PRDM2: variants seen among roughly 807,000 people sequenced by gnomAD.
The protein encoded by PRDM2 is PR domain zinc finger protein 2.
PRDM2 carries 30 observed loss-of-function variants against 130.0 expected under a neutral mutation model. The observed-to-expected ratio is 0.23, with a 90% CI of 0.17 to 0.31. The LOEUF (loss-of-function observed/expected upper bound fraction) is 0.31, where lower values mean the gene tolerates loss of function less well. PRDM2 is among the 10% of genes least tolerant of loss of function. The pLI, the probability that PRDM2 is intolerant of heterozygous loss-of-function variation, is 1.00. For synonymous variants in PRDM2, 871 were observed against 782.4 expected (o/e 1.11, Z -1.89); for missense variants, 2,011 against 2,108.4 (o/e 0.95, Z 0.90).
At chr1:13,715,303 A>G (rs963231615) in intron 1 of PRDM2, among the ~76,000 whole-genome samples, 1 of 152,218 alleles carries the variant, frequency 6.6e-6, no homozygotes, top group Non-Finnish European at 1.5e-5. Context: ...ATGTCCTCCT[A>G]ATGAGTCCGC....
chr1:13,784,300 A>G (rs865991855), intron 8 of PRDM2, among the ~76,000 whole-genome samples: 7 of 152,216 alleles, frequency 4.6e-5, no homozygotes, highest in Admixed American at 2.6e-4. Flanking sequence ...TGGTGGTGCC[A>G]CACCAACAGG....
At chr1:13,700,608 G>C (rs1319502915) in intron 1 of PRDM2, among the ~76,000 whole-genome samples, 1 of 151,340 alleles carries the variant, frequency 6.6e-6, no homozygotes, top group Non-Finnish European at 1.5e-5. Flanking sequence ...CGCCCCGCGG[G>C]GGACGCGTGC....
At chr1:13,800,384 C>T (rs1017591091) in intron 8 of PRDM2, among the ~76,000 whole-genome samples, 1 of 152,174 alleles carries the variant, frequency 6.6e-6, no homozygotes, top group Admixed American at 6.5e-5. Context: ...GGGGGCATCC[C>T]GCCTTACAAA....
intron 8 of PRDM2, among the ~76,000 whole-genome samples, chr1:13,810,887 A>G (rs1645162375): frequency 1.3e-5 from 2 of 151,758 alleles, no homozygotes; most frequent in African/African-American, 2.4e-5. Flanking sequence ...AGCTTCTGTC[A>G]GAGTTTACAG....
Position 13,749,424 on chromosome 1 carries a change from G to T in PRDM2, c.448G>T (p.Ala150Ser). The stretch of plus-strand genomic sequence containing the variant: ...TGGGGAAGACAACCCTGAGATAGCA[G>T]CTGCGATTGAGGAAGAGCGAGCCAG... ...YNGEDNPEIAAAIEEERASAR... is the reference protein window; with the variant it reads ...YNGEDNPEIASAIEEERASAR... Residue 150 changes from alanine (A) to serine (S), a missense_variant, in exon 6 of 10, where the codon GCT becomes TCT. This residue lies in a region of PRDM2 where 1,288 missense variants were observed against 1,237.7 expected (regional missense o/e 1.04). Transcript: ENST00000311066. The T allele has an allele frequency of 6.6e-7, 1 of 1,513,000 alleles. No individual in the cohort carries two copies. The allele number at this position is 1,513,000 out of a possible 1,614,324, so 93.7% of individuals were successfully genotyped here.
At chr1:13,796,649 G>A (rs1244557359) in intron 8 of PRDM2, among the ~76,000 whole-genome samples, 1 of 152,190 alleles carries the variant, frequency 6.6e-6, no homozygotes, top group Non-Finnish European at 1.5e-5. Flanking sequence ...CTACTCAGGA[G>A]GCTGAGGTGG....
intron 2 of PRDM2, among the ~76,000 whole-genome samples, chr1:13,722,561 G>T (rs1642765158): frequency 6.6e-6 from 1 of 152,016 alleles, no homozygotes; most frequent in Non-Finnish European, 1.5e-5. Flanking sequence ...GAGATGAAAG[G>T]CTGTAGCCCA....
rs1423045362 is a variant in PRDM2, at chr1:13,780,523, A to G, written c.2728A>G (p.Thr910Ala). 1 of 1,614,148 alleles carries G rather than the reference A, an allele frequency of 6.2e-7. No homozygotes were observed. Among genetic ancestry groups the G allele is most frequent in the Non-Finnish European group, 8.5e-7 (1 of 1,180,020 alleles). Residue 910 changes from threonine to alanine, a missense_variant, in exon 8 of 10, where the codon ACC becomes GCC. Thr to Ala is a moderately conservative substitution (Grantham distance 58). This residue lies in a region of PRDM2 where 1,288 missense variants were observed against 1,237.7 expected (regional missense o/e 1.04). Transcript: ENST00000311066. ...ACCTGTAGAAAACCCTGCAGATGGG[A>G]CCAGGAGCCCAAGTCCTTGTAAATC... ...DLPVENPADG[T>A]RSPSPCKSLE...
chr1:13,732,797 C>G lies in PRDM2; in HGVS notation c.146C>G (p.Pro49Arg). 1.2e-6 allele frequency: 2 copies of G among 1,603,268 alleles called. No homozygotes were observed. Among genetic ancestry groups the G allele is most frequent in the Non-Finnish European group, 8.5e-7 (1 of 1,175,056 alleles). ...TTTCTAGGTGTCTGGGCCACTAAACCAATTTTAAAAGGCAAAAAATTTGGG... is the reference window on the plus strand; with the variant it reads ...TTTCTAGGTGTCTGGGCCACTAAACGAATTTTAAAAGGCAAAAAATTTGGG... ...KTRIGVWATK[P>R]ILKGKKFGPF... The change falls in exon 4 of 10, where the codon CCA (proline) becomes CGA (arginine). Residue 49 changes from proline (P) to arginine (R), a missense_variant. Pro to Arg is a moderately radical substitution (Grantham distance 103). Coordinates refer to ENST00000311066, the MANE Select transcript of PRDM2 (RefSeq NM_001393986.1).
chr1:13,712,553 G>A (rs568456060), intron 1 of PRDM2, among the ~76,000 whole-genome samples: 14 of 152,090 alleles, frequency 9.2e-5, no homozygotes, highest in Admixed American at 4.6e-4. Context: ...TTGGGTGCTC[G>A]AGACCATCAT....
intron 1 of PRDM2, among the ~76,000 whole-genome samples, chr1:13,700,704 C>T (rs1335826453): frequency 1.3e-5 from 2 of 152,090 alleles, no homozygotes; most frequent in South Asian, 2.1e-4. Context: ...ATTGTCAAGC[C>T]GCTGTGCTTT....
At chr1:13,713,697 A>G (rs1476879525) in intron 1 of PRDM2, among the ~76,000 whole-genome samples, 1 of 152,076 alleles carries the variant, frequency 6.6e-6, no homozygotes, top group Admixed American at 6.5e-5. Flanking sequence ...CTACCTATAA[A>G]AGCTTTGTCA....
intron 8 of PRDM2, among the ~76,000 whole-genome samples, chr1:13,802,036 C>T (rs138626918): frequency 4.7e-4 from 71 of 152,294 alleles, no homozygotes; most frequent in Non-Finnish European, 2.9e-4. Flanking sequence ...TGAGCTGTCC[C>T]GTCCTGGCCA....
chr1:13,772,226 A>C (rs1340149117), intron 6 of PRDM2: 1 of 152,224 alleles, frequency 6.6e-6, no homozygotes. Flanking sequence ...TAATTAAAAA[A>C]TGTAAAAGAA....
intron 1 of PRDM2, among the ~76,000 whole-genome samples, chr1:13,704,370 T>C (rs919560318): frequency 6.6e-5 from 10 of 151,980 alleles, no homozygotes; most frequent in Middle Eastern, 3.2e-3. Context: ...TTCTTAGTAC[T>C]GTATAGTATT....
At chr1:13,757,217 A>T (rs115231513) in intron 6 of PRDM2, among the ~76,000 whole-genome samples, 2,226 of 152,324 alleles carry the variant, frequency 0.015, 24 homozygotes, top group South Asian at 0.036. Context: ...TATTCCTTCA[A>T]ACACCCCAAA....
intron 5 of PRDM2, among the ~76,000 whole-genome samples, chr1:13,743,916 T>C (rs749811621): frequency 2.6e-5 from 4 of 152,216 alleles, no homozygotes; most frequent in South Asian, 4.1e-4. Context: ...GGTATTACTC[T>C]ACAATTTTCT....
At chr1:13,730,588 A>G (rs1352513499) in intron 2 of PRDM2, among the ~76,000 whole-genome samples, 2 of 152,234 alleles carry the variant, frequency 1.3e-5, no homozygotes, top group Non-Finnish European at 2.9e-5. Flanking sequence ...TGTGTGCTGA[A>G]AGCATTCATT....
chr1:13,801,471 G>A (rs187401145), intron 8 of PRDM2, among the ~76,000 whole-genome samples: 20 of 152,292 alleles, frequency 1.3e-4, no homozygotes, highest in African/African-American at 4.1e-4. Flanking sequence ...GCAGAGACAC[G>A]CCCGTTTGGT....
Sources: gnomAD v4.1 joint callset for allele counts (sites outside exome capture counted in the v4.1 genomes callset) on GRCh38, gnomAD v4.1.1 for gene constraint, gnomAD v4.1.1 regional missense constraint, MANE v1.5 for transcripts, NCBI Gene and HGNC (gene_info 2026-07-23, HGNC 2026-07-21) for gene names.